Variants in ARPP21 observed in about 807,000 individuals in gnomAD.
ARPP21 encodes cAMP regulated phosphoprotein 21.
In ARPP21, 69 loss-of-function variants were observed where a neutral mutation model predicts 113.2. That is an observed-to-expected ratio of 0.61 (90% CI 0.50 to 0.74). ARPP21 has a LOEUF of 0.74. Ranked by LOEUF, ARPP21 falls within the 30% of genes least tolerant of loss-of-function variation. The pLI, the probability that ARPP21 is intolerant of heterozygous loss-of-function variation, is 0.00. For missense variants in ARPP21, 1,070 were observed against 1,037.4 expected, an observed-to-expected ratio of 1.03 and a Z score of -0.43; for synonymous variants, 368 against 375.5, an observed-to-expected ratio of 0.98 and a Z score of 0.23.
chr3:35,757,194 G>A (rs950655364), intron 19 of ARPP21, among the ~76,000 whole-genome samples: 2 of 150,306 alleles, frequency 1.3e-5, no homozygotes, highest in Non-Finnish European at 3.0e-5. Context: ...GAGTAGCTGG[G>A]ATTACAAGCA....
intron 5 of ARPP21, 32 bp downstream of exon 5, chr3:35,683,847 T>C: frequency 9.6e-7 from 1 of 1,046,778 alleles, no homozygotes; most frequent in Non-Finnish European, 1.5e-6. Flanking sequence ...ATTAATTGCA[T>C]GAATGGGATC....
intron 19 of ARPP21, among the ~76,000 whole-genome samples, chr3:35,754,315 T>C (rs183470456): frequency 1.4e-3 from 208 of 152,096 alleles, no homozygotes; most frequent in African/African-American, 4.8e-3. Flanking sequence ...AATGCAAAAG[T>C]TGTTACACTT....
chr3:35,740,885 C>T (rs986988189), intron 18 of ARPP21, among the ~76,000 whole-genome samples: 21 of 151,902 alleles, frequency 1.4e-4, no homozygotes, highest in Admixed American at 1.1e-3. Flanking sequence ...ACTACTTGAG[C>T]CTGGGAGTTC....
At chr3:35,755,324 A>G (rs1025331061) in intron 19 of ARPP21, among the ~76,000 whole-genome samples, 5 of 151,926 alleles carry the variant, frequency 3.3e-5, no homozygotes, top group Non-Finnish European at 5.9e-5. Context: ...CCACCTTCCC[A>G]AACCTAAGTC....
At chr3:35,714,283 A>G (rs1037781232) in intron 11 of ARPP21, among the ~76,000 whole-genome samples, 16 of 152,314 alleles carry the variant, frequency 1.1e-4, no homozygotes, top group Non-Finnish European at 2.2e-4. Context: ...GAGAAACACC[A>G]TGTCTAAATC....
chr3:35,688,884 T>TC (rs1359001938), intron 6 of ARPP21, among the ~76,000 whole-genome samples: 1 of 151,284 alleles, frequency 6.6e-6, no homozygotes, highest in East Asian at 2.0e-4. Flanking sequence ...ACATTCATTT[T>TC]TTTTTTTTTG....
intron 1 of ARPP21, among the ~76,000 whole-genome samples, chr3:35,674,284 A>G (rs767809735): frequency 6.6e-6 from 1 of 151,950 alleles, no homozygotes; most frequent in Non-Finnish European, 1.5e-5. Flanking sequence ...TGTGTAACTC[A>G]CTGAGATTAA....
chr3:35,687,809 C>A lies in ARPP21; in HGVS notation c.332C>A (p.Ser111Tyr). ...GAGGATAAATCTAGGAAAGATGACT[C>A]TGAAAGAGAAAAAGAAAAGGATAAA... ...QEEDKSRKDD[S>Y]EREKEKDKNK... is the part of the protein sequence containing the mutation. The change falls in exon 6 of 21, where the codon TCT becomes TAT. Residue 111 changes from serine to tyrosine, a missense_variant. Coordinates refer to ENST00000684406, the MANE Select transcript of ARPP21 (RefSeq NM_001385562.1). The A allele has an allele frequency of 6.2e-7, 1 of 1,604,958 alleles. No individual in the cohort carries two copies. Among genetic ancestry groups the A allele is most frequent in the South Asian group, 1.1e-5 (1 of 89,558 alleles).
chr3:35,772,190 G>A (rs1326563543), intron 19 of ARPP21, among the ~76,000 whole-genome samples: 1 of 152,118 alleles, frequency 6.6e-6, no homozygotes, highest in Non-Finnish European at 1.5e-5. Context: ...ATCTGCTGAA[G>A]TATGAAGTAT....
intron 6 of ARPP21, 80 bp from the exon 7 acceptor site, chr3:35,689,227 A>G: frequency 1.3e-6 from 1 of 760,432 alleles, no homozygotes; most frequent in South Asian, 1.4e-5. Flanking sequence ...GCAGGGGGAA[A>G]CAGGATAGGT....
chr3:35,675,016 C>T (rs879700507), intron 1 of ARPP21, among the ~76,000 whole-genome samples: 4 of 151,538 alleles, frequency 2.6e-5, no homozygotes, highest in Admixed American at 6.6e-5. Flanking sequence ...CCAGTCAAAA[C>T]GATTATGTTT....
At chr3:35,727,972 T>C (rs920990760) in intron 14 of ARPP21, among the ~76,000 whole-genome samples, 2 of 152,094 alleles carry the variant, frequency 1.3e-5, no homozygotes, top group Non-Finnish European at 2.9e-5. Context: ...CTGTTACCTG[T>C]GTGTTTGAAA....
chr3:35,758,850 G>A (rs2095662643), intron 19 of ARPP21, among the ~76,000 whole-genome samples: 1 of 151,924 alleles, frequency 6.6e-6, no homozygotes, highest in Non-Finnish European at 1.5e-5. Context: ...GGGAAATTGG[G>A]TTTTAAAAAG....
intron 2 of ARPP21, chr3:35,680,808 T>C (rs2149451599): frequency 6.6e-6 from 1 of 151,460 alleles, no homozygotes; most frequent in African/African-American, 2.4e-5. Flanking sequence ...TTTTTTTTTC[T>C]TTCTATTTTT....
intron 11 of ARPP21, among the ~76,000 whole-genome samples, chr3:35,710,055 A>T (rs1203755906): frequency 1.3e-5 from 2 of 152,182 alleles, no homozygotes; most frequent in Non-Finnish European, 2.9e-5. Flanking sequence ...TTAATATGAA[A>T]GTGCAGGGGA....
At chr3:35,744,307 C>T (rs2094874361) in intron 19 of ARPP21, among the ~76,000 whole-genome samples, 1 of 151,600 alleles carries the variant, frequency 6.6e-6, no homozygotes, top group Admixed American at 6.6e-5. Context: ...GAGAGTGCTT[C>T]CTCTGTTCTT....
At chr3:35,766,604 C>G (rs138944689) in intron 19 of ARPP21, among the ~76,000 whole-genome samples, 1,800 of 152,254 alleles carry the variant, frequency 0.012, 11 homozygotes, top group African/African-American at 0.023. Flanking sequence ...CTACCCTGCT[C>G]AAACGCACCC....
At chr3:35,644,540 G>T (rs1559501166) in intron 1 of ARPP21, among the ~76,000 whole-genome samples, 1 of 151,792 alleles carries the variant, frequency 6.6e-6, no homozygotes, top group East Asian at 1.9e-4. Flanking sequence ...TTTTCTTTAG[G>T]CATGACATGC....
chr3:35,681,466 G>T, intron 2 of ARPP21: 1 of 292,500 alleles, frequency 3.4e-6, no homozygotes, highest in Admixed American at 4.4e-5. Flanking sequence ...GTGTCTCTAA[G>T]ATTTGTCGAC....
Sources: allele counts gnomAD v4.1 joint callset (sites outside exome capture counted in the v4.1 genomes callset), GRCh38; gene constraint gnomAD v4.1.1; transcripts MANE v1.5; gene names NCBI Gene and HGNC (gene_info 2026-07-23, HGNC 2026-07-21).